Variants in STX8 observed in about 807,000 individuals in gnomAD.
The protein encoded by STX8 is syntaxin-8.
In STX8, 23 loss-of-function variants were observed where a neutral mutation model predicts 37.5. The observed-to-expected ratio is 0.61, with a 90% CI of 0.44 to 0.87. The LOEUF is 0.87. STX8 is among the 40% of genes least tolerant of loss of function. The pLI, the probability that STX8 is intolerant of heterozygous loss-of-function variation, is 0.00. For missense variants in STX8, 313 were observed against 284.7 expected, an observed-to-expected ratio of 1.10 and a Z score of -0.71; for synonymous variants, 115 against 99.1, an observed-to-expected ratio of 1.16 and a Z score of -0.95.
chr17:9,298,421 A>G (rs1052612484), intron 7 of STX8, among the ~76,000 whole-genome samples: 2 of 152,184 alleles, frequency 1.3e-5, no homozygotes, highest in Non-Finnish European at 2.9e-5. Context: ...CTCTTCCAAC[A>G]TCTTCCTTCC....
chr17:9,520,198 GAAGCATTT>G (rs1208901473), intron 4 of STX8, among the ~76,000 whole-genome samples: 2 of 152,154 alleles, frequency 1.3e-5, no homozygotes, highest in African/African-American at 4.8e-5. Flanking sequence ...CAAAATGAGA[GAAGCATTT>G]AACATTTTTA....
intron 6 of STX8, among the ~76,000 whole-genome samples, chr17:9,444,889 TAC>T (rs1340407198): frequency 4.6e-5 from 7 of 152,160 alleles, no homozygotes; most frequent in Non-Finnish European, 8.8e-5. Flanking sequence ...AGAGATATGT[TAC>T]AGAGGGGTCC....
At chr17:9,521,226 G>A (rs1460859020) in intron 4 of STX8, among the ~76,000 whole-genome samples, 1 of 152,228 alleles carries the variant, frequency 6.6e-6, no homozygotes, top group African/African-American at 2.4e-5. Flanking sequence ...AAAGGCCAGT[G>A]TGGTAATTTA....
chr17:9,401,547 G>A (rs865824187), intron 6 of STX8, among the ~76,000 whole-genome samples: 8 of 152,188 alleles, frequency 5.3e-5, no homozygotes, highest in Non-Finnish European at 7.3e-5. Flanking sequence ...ATAAGTGCTA[G>A]GGCAGGAGAA....
chr17:9,350,392 C>A (rs1392207991), intron 7 of STX8, among the ~76,000 whole-genome samples: 2 of 152,170 alleles, frequency 1.3e-5, no homozygotes, highest in Admixed American at 6.5e-5. Flanking sequence ...AAAGCAAGAC[C>A]AAGGGGGAAC....
chr17:9,574,184 T>A (rs1451671214), intron 1 of STX8, among the ~76,000 whole-genome samples: 2 of 150,952 alleles, frequency 1.3e-5, no homozygotes, highest in Non-Finnish European at 3.0e-5. Context: ...GGCAGGAGAG[T>A]TGCTTAAGCC....
chr17:9,539,915 G>C (rs192616437), intron 4 of STX8, among the ~76,000 whole-genome samples: 59 of 152,258 alleles, frequency 3.9e-4, no homozygotes, highest in African/African-American at 1.4e-3. Context: ...CTAGGCAACT[G>C]ACAATCAGGA....
intron 6 of STX8, among the ~76,000 whole-genome samples, chr17:9,430,895 C>T (rs372166770): frequency 6.8e-5 from 10 of 147,582 alleles, no homozygotes; most frequent in South Asian, 2.2e-4. Context: ...GTGATCCACC[C>T]GCCTCGGCCT....
chr17:9,296,358 C>T (rs986406211), intron 7 of STX8, among the ~76,000 whole-genome samples: 83 of 151,714 alleles, frequency 5.5e-4, no homozygotes, highest in Admixed American at 1.0e-3. Flanking sequence ...ATTAGCCAGG[C>T]GTGGTGGTGC....
intron 4 of STX8, among the ~76,000 whole-genome samples, chr17:9,542,164 G>A (rs935048178): frequency 1.1e-4 from 16 of 151,210 alleles, no homozygotes; most frequent in Admixed American, 5.3e-4. Context: ...TTCAAGACCA[G>A]CCTGGCCAAC....
At chr17:9,545,131 C>T in intron 4 of STX8, 41 bp downstream of exon 4, 1 of 1,411,920 alleles carries the variant, frequency 7.1e-7, no homozygotes. Context: ...GCAAAGAAGT[C>T]TTCGCCCACC....
chr17:9,470,860 G>A (rs1905821265), intron 6 of STX8, among the ~76,000 whole-genome samples: 1 of 150,150 alleles, frequency 6.7e-6, no homozygotes, highest in African/African-American at 2.5e-5. Flanking sequence ...CTGAGTAGCT[G>A]GGACTACAGG....
intron 6 of STX8, among the ~76,000 whole-genome samples, chr17:9,413,139 T>C (rs1913038747): frequency 6.6e-6 from 1 of 152,138 alleles, no homozygotes; most frequent in Non-Finnish European, 1.5e-5. Context: ...AGCACTGAGA[T>C]GTAACAGGGA....
chr17:9,544,188 C>T (rs909704128), intron 4 of STX8, among the ~76,000 whole-genome samples: 3 of 152,198 alleles, frequency 2.0e-5, no homozygotes, highest in Admixed American at 6.5e-5. Context: ...TCAACCCTAG[C>T]GTGGAAGATG....
intron 7 of STX8, among the ~76,000 whole-genome samples, chr17:9,302,705 G>A (rs114420456): frequency 0.011 from 1,621 of 152,160 alleles, 35 homozygotes; most frequent in African/African-American, 0.037. Context: ...ACAGAGCACT[G>A]GTGGAGACAA....
At chr17:9,543,293 T>TAC (rs373326510) in intron 4 of STX8, among the ~76,000 whole-genome samples, 1 of 23,424 alleles carries the variant, frequency 4.3e-5, no homozygotes. Flanking sequence ...TAGAAGACAG[T>TAC]TTTTTGGTTT....
chr17:9,297,571 C>CAAT (rs1056540558), intron 7 of STX8, among the ~76,000 whole-genome samples: 133 of 152,326 alleles, frequency 8.7e-4, no homozygotes, highest in African/African-American at 3.1e-3. Context: ...AGCAAGTACT[C>CAAT]AATAAATGTT....
At chr17:9,388,118 C>A (rs1454055407) in intron 6 of STX8, among the ~76,000 whole-genome samples, 1 of 147,166 alleles carries the variant, frequency 6.8e-6, no homozygotes, top group African/African-American at 2.5e-5. Flanking sequence ...GTTGCCCAGG[C>A]TGGAGTGCAG....
chr17:9,378,749 C>CG lies in STX8; in HGVS notation c.542-97dup, dbSNP rs1210257879. ...TTGTTCATCCTAGCAATAATGATCTCGAGTGCAGTAACTGAAAAGGTACAG... is the reference window on the plus strand; with the variant it reads ...TTGTTCATCCTAGCAATAATGATCTCGGAGTGCAGTAACTGAAAAGGTACAG... On this transcript the variant is annotated intron_variant, in intron 6 of 7. Coordinates refer to ENST00000306357, the MANE Select transcript of STX8 (RefSeq NM_004853.3). The CG allele has an allele frequency of 2.2e-5, 20 of 901,074 alleles. No individual in the cohort carries two copies. In the African/African-American group the frequency reaches 3.3e-4, roughly 15 times the overall value. 55.8% of individuals were successfully genotyped at this position (901,074 alleles called of 1,614,324 possible).
Sources: allele counts gnomAD v4.1 joint callset (sites outside exome capture counted in the v4.1 genomes callset), GRCh38; gene constraint gnomAD v4.1.1; transcripts MANE v1.5; gene names NCBI Gene and HGNC (gene_info 2026-07-23, HGNC 2026-07-21).